The following DCC variants were observed in gnomAD, a reference collection of about 807,000 sequenced individuals.
DCC encodes the protein DCC netrin 1 receptor.
Under a neutral mutation model 172.5 loss-of-function variants are expected in DCC, and 58 were observed. That is an observed-to-expected ratio of 0.34 (90% CI 0.27 to 0.42). The LOEUF is 0.42. Ranked by LOEUF, DCC falls within the 10% of genes least tolerant of loss-of-function variation. The pLI, the probability that DCC is intolerant of heterozygous loss-of-function variation, is 1.00. For synonymous variants in DCC, 709 were observed against 644.5 expected (o/e 1.10, Z -1.52); for missense variants, 1,740 against 1,791.0 (o/e 0.97, Z 0.51).
intron 5 of DCC, among the ~76,000 whole-genome samples, chr18:53,062,464 A>C (rs1297136587): frequency 6.6e-6 from 1 of 152,154 alleles, no homozygotes; most frequent in Non-Finnish European, 1.5e-5. Flanking sequence ...TGTGAATTTA[A>C]TCTGGCTTCT....
chr18:52,737,856 A>C (rs562220301), intron 1 of DCC, among the ~76,000 whole-genome samples: 65 of 152,276 alleles, frequency 4.3e-4, no homozygotes, highest in Non-Finnish European at 7.2e-4. Flanking sequence ...ATCTATTACC[A>C]AAAGAATGGA....
intron 1 of DCC, among the ~76,000 whole-genome samples, chr18:52,407,589 GA>G (rs963630753): frequency 6.6e-6 from 1 of 151,180 alleles, no homozygotes; most frequent in African/African-American, 2.4e-5. Context: ...CAATTAGATT[GA>G]AAAAAAAGCC....
intron 22 of DCC, among the ~76,000 whole-genome samples, chr18:53,440,061 G>A (rs78536686): frequency 0.034 from 5,116 of 151,834 alleles, 330 homozygotes; most frequent in African/African-American, 0.12. Context: ...CACCGCGCCC[G>A]GCCGTATTTT....
At chr18:52,462,916 T>A (rs1396667477) in intron 1 of DCC, among the ~76,000 whole-genome samples, 1 of 152,156 alleles carries the variant, frequency 6.6e-6, no homozygotes, top group Non-Finnish European at 1.5e-5. Flanking sequence ...TTCTGACAGT[T>A]CCTAACTGTA....
At chr18:53,055,585 C>T (rs1042285287) in intron 5 of DCC, among the ~76,000 whole-genome samples, 1 of 152,136 alleles carries the variant, frequency 6.6e-6, no homozygotes, top group Admixed American at 6.6e-5. Context: ...ATACATTCTA[C>T]TCTCTTAAGG....
intron 1 of DCC, among the ~76,000 whole-genome samples, chr18:52,397,289 A>G (rs1986267840): frequency 6.6e-6 from 1 of 152,038 alleles, no homozygotes; most frequent in Admixed American, 6.6e-5. Context: ...CTGATGCTGC[A>G]TTCTGGAGAT....
At chr18:52,502,009 T>C (rs2031041602) in intron 1 of DCC, among the ~76,000 whole-genome samples, 1 of 152,192 alleles carries the variant, frequency 6.6e-6, no homozygotes, top group South Asian at 2.1e-4. Flanking sequence ...ATCCACTGAT[T>C]CTTGGGGTAA....
intron 9 of DCC, among the ~76,000 whole-genome samples, chr18:53,188,050 T>G (rs1428549901): frequency 5.3e-5 from 8 of 152,226 alleles, no homozygotes; most frequent in Admixed American, 1.3e-4. Context: ...CATTGTCCTC[T>G]TATTTAAACC....
chr18:52,818,027 C>G (rs2038335086), intron 2 of DCC: 1 of 151,990 alleles, frequency 6.6e-6, no homozygotes, highest in African/African-American at 2.4e-5. Context: ...TGATAGTTTC[C>G]TAAGTCTAAT....
intron 1 of DCC, among the ~76,000 whole-genome samples, chr18:52,667,633 T>C (rs1477372523): frequency 6.6e-6 from 1 of 152,198 alleles, no homozygotes; most frequent in East Asian, 1.9e-4. Context: ...ATGCACTGCT[T>C]CTTCTTGAAT....
At chr18:53,364,623 G>C (rs550104566) in intron 15 of DCC, among the ~76,000 whole-genome samples, 6 of 152,188 alleles carry the variant, frequency 3.9e-5, no homozygotes, top group African/African-American at 1.4e-4. Context: ...AAATGGGGAT[G>C]GTGACTCGGG....
intron 5 of DCC, among the ~76,000 whole-genome samples, chr18:53,025,499 C>G (rs2041943042): frequency 6.6e-6 from 1 of 151,986 alleles, no homozygotes; most frequent in Non-Finnish European, 1.5e-5. Context: ...GAGGCGCAGC[C>G]CACTAGTAAA....
chr18:53,516,869 C>G (rs1213349138), intron 27 of DCC, among the ~76,000 whole-genome samples: 2 of 141,768 alleles, frequency 1.4e-5, no homozygotes, highest in African/African-American at 3.0e-5. Context: ...ACTAGTTCAA[C>G]CATTGTGGAA....
chr18:53,511,240 T>C (rs756273315), intron 27 of DCC, among the ~76,000 whole-genome samples: 1 of 152,202 alleles, frequency 6.6e-6, no homozygotes, highest in African/African-American at 2.4e-5. Flanking sequence ...GATAACCAGA[T>C]GGGAATCAAG....
At chr18:52,354,048 C>T (rs1410967450) in intron 1 of DCC, among the ~76,000 whole-genome samples, 1 of 152,068 alleles carries the variant, frequency 6.6e-6, no homozygotes, top group Admixed American at 6.5e-5. Context: ...GAACAAAATC[C>T]TAGGCAGAGA....
At chr18:53,216,792 G>A (rs1460694131) in intron 12 of DCC, among the ~76,000 whole-genome samples, 1 of 151,902 alleles carries the variant, frequency 6.6e-6, no homozygotes, top group African/African-American at 2.4e-5. Context: ...AAAATTAGAA[G>A]AAAATAACTA....
chr18:52,987,632 G>A lies in DCC; in HGVS notation c.985+62262G>A, dbSNP rs8088416. Among the ~76,000 whole-genome samples the A allele has an allele frequency of 2.5e-3, 378 of 152,274 alleles. 6 individuals are homozygous for A. The highest frequency in any genetic ancestry group is 8.6e-3 in the African/African-American group (358 of 41,556). On this transcript the variant is annotated intron_variant, in intron 5 of 28. Coordinates refer to ENST00000442544, the MANE Select transcript of DCC (RefSeq NM_005215.4). Reference sequence around the variant, plus strand: ...GGTTACATATCTGAGGAAATGGGCAGGGGGACCCAAATGGTTGAGTTGCAA... The same window carrying A: ...GGTTACATATCTGAGGAAATGGGCAAGGGGACCCAAATGGTTGAGTTGCAA...
intron 2 of DCC, among the ~76,000 whole-genome samples, chr18:52,764,271 T>G (rs535679082): frequency 9.8e-5 from 15 of 152,342 alleles, no homozygotes; most frequent in African/African-American, 3.4e-4. Flanking sequence ...GAGTTGACAC[T>G]GTTAATGAAT....
intron 2 of DCC, among the ~76,000 whole-genome samples, chr18:52,838,123 GC>G (rs1306720386): frequency 6.6e-6 from 1 of 152,140 alleles, no homozygotes; most frequent in African/African-American, 2.4e-5. Context: ...GGGTGAGGAC[GC>G]AGCCAAACGA....
Sources: allele counts gnomAD v4.1 joint callset (sites outside exome capture counted in the v4.1 genomes callset), GRCh38; gene constraint gnomAD v4.1.1; transcripts MANE v1.5; gene names NCBI Gene and HGNC (gene_info 2026-07-23, HGNC 2026-07-21).